The following RUFY4 variants were observed in gnomAD, a reference collection of about 807,000 sequenced individuals.
RUFY4 encodes the protein RUN and FYVE domain containing 4.
RUFY4 carries 73 observed loss-of-function variants against 69.0 expected under a neutral mutation model. That is an observed-to-expected ratio of 1.06 (90% CI 0.88 to 1.29). The LOEUF (loss-of-function observed/expected upper bound fraction) is 1.29. Among genes scored for constraint, RUFY4 ranks in the 50% most tolerant of loss-of-function variants. RUFY4 has a pLI of 0.00. For missense variants in RUFY4, 770 were observed against 705.6 expected, an observed-to-expected ratio of 1.09 and a Z score of -1.03; for synonymous variants, 287 against 271.8, an observed-to-expected ratio of 1.06 and a Z score of -0.55.
intron 3 of RUFY4, chr2:218,061,088 C>T (rs777642642): frequency 4.5e-5 from 26 of 580,920 alleles, no homozygotes; most frequent in Non-Finnish European, 6.7e-5. Context: ...AAAAATCCAG[C>T]CATTCATCTT....
At chr2:218,072,484 C>T (rs1479698321) in exon 3 of RUFY4, 1 of 1,537,000 alleles carries the variant, frequency 6.5e-7, no homozygotes, top group African/African-American at 1.4e-5. Flanking sequence ...TCCACTTTGT[C>T]CGTTCCCAGG....
chr2:218,074,087 G>A (rs1689563806), intron 6 of RUFY4: 1 of 620,314 alleles, frequency 1.6e-6, no homozygotes. Flanking sequence ...GGGTGGCGGG[G>A]ACACTGGGAG....
chr2:218,062,435 G>T (rs982222511), intron 3 of RUFY4, among the ~76,000 whole-genome samples: 2 of 148,582 alleles, frequency 1.3e-5, no homozygotes, highest in Non-Finnish European at 3.0e-5. Context: ...ATAAGTGGCC[G>T]GGCATGGTGG....
At chr2:218,071,005 C>A (rs1689472736) in intron 2 of RUFY4, 146 bp downstream of exon 4, 2 of 659,400 alleles carry the variant, frequency 3.0e-6, no homozygotes, top group Admixed American at 2.9e-5. Context: ...CCTAACCTCA[C>A]TCTTGGAGTT....
chr2:218,067,114 A>G (rs1454845706), upstream of RUFY4, among the ~76,000 whole-genome samples: 15 of 152,218 alleles, frequency 9.9e-5, no homozygotes, highest in Admixed American at 9.2e-4. Context: ...TTTATCACCC[A>G]TGTACAAGCC....
rs73993205 is a variant in RUFY4, at chr2:218,051,585, A to C, written c.-1157-7010A>C. 7.2e-3 allele frequency among the ~76,000 whole-genome samples: 1,083 copies of C among 151,330 alleles called. 5 individuals are homozygous for C. The highest frequency in any genetic ancestry group is 0.025 in the African/African-American group (1,044 of 41,380). ...CAATATTTTAAAAAAAAAAAAAAAAAAAACACAGAAAAGTGTAGGGCAGTA... is the reference window on the plus strand; with the variant it reads ...CAATATTTTAAAAAAAAAAAAAAAACAAACACAGAAAAGTGTAGGGCAGTA... On this transcript the variant is annotated intron_variant and NMD_transcript_variant, in intron 2 of 13. Transcript: ENST00000457754.
chr2:218,046,778 A>C (rs1426439720), intron 2 of RUFY4, among the ~76,000 whole-genome samples: 2 of 152,218 alleles, frequency 1.3e-5, no homozygotes, highest in Non-Finnish European at 2.9e-5. Context: ...GCAATTTAAC[A>C]CATCAAATAA....
chr2:218,064,088 G>T (rs1004973218), intron 3 of RUFY4, among the ~76,000 whole-genome samples: 2 of 152,078 alleles, frequency 1.3e-5, no homozygotes, highest in African/African-American at 4.8e-5. Flanking sequence ...GCTCCACCTG[G>T]CCACCAGATT....
chr2:218,064,485 C>T (rs578049635), upstream of RUFY4, among the ~76,000 whole-genome samples: 57 of 152,338 alleles, frequency 3.7e-4, no homozygotes, highest in Non-Finnish European at 5.9e-4. Flanking sequence ...CATCCTCCCT[C>T]GCTCCATCCC....
intron 2 of RUFY4, among the ~76,000 whole-genome samples, chr2:218,038,971 G>A (rs892767070): frequency 1.3e-5 from 2 of 152,048 alleles, no homozygotes; most frequent in Non-Finnish European, 2.9e-5. Context: ...CCACCACTAG[G>A]TGTAAAGAAG....
intron 2 of RUFY4, among the ~76,000 whole-genome samples, chr2:218,039,756 G>A (rs1399717487): frequency 5.3e-5 from 8 of 152,200 alleles, no homozygotes; most frequent in African/African-American, 1.7e-4. Flanking sequence ...TAACCATCCA[G>A]ACTCTGGGAG....
exon 7 of RUFY4, chr2:218,075,265 A>T: frequency 1.3e-6 from 2 of 1,586,546 alleles, no homozygotes; most frequent in Non-Finnish European, 1.7e-6. Flanking sequence ...AGTTCCAGGA[A>T]ACATAGGTAC....
At chr2:218,042,809 TC>T (rs1206506527) in intron 2 of RUFY4, among the ~76,000 whole-genome samples, 2 of 151,696 alleles carry the variant, frequency 1.3e-5, no homozygotes, top group African/African-American at 4.8e-5. Context: ...AGATAAAACT[TC>T]AAAAAAAAAT....
At chr2:218,061,035 T>C (rs774500217) in intron 3 of RUFY4, 2 of 696,710 alleles carry the variant, frequency 2.9e-6, no homozygotes, top group Middle Eastern at 2.5e-4. Flanking sequence ...ACCGTAGAAG[T>C]TGACTTCCTT....
At chr2:218,060,763 A>C (rs752982769) in intron 3 of RUFY4, 3 of 1,551,388 alleles carry the variant, frequency 1.9e-6, no homozygotes, top group East Asian at 4.5e-5. Context: ...GGCACGATGA[A>C]GCCAAAGGAC....
At position 218,045,126 on chromosome 2, in the gene RUFY4, A is replaced by G. The variant is rs1287828833; in HGVS notation, c.-1158+9732A>G. Among the ~76,000 whole-genome samples, 5 of 152,046 alleles carry G rather than the reference A, an allele frequency of 3.3e-5. No homozygotes were observed. The East Asian group carries it at 9.6e-4, about 29-fold the overall frequency. ...GCATCTGTTGTTTTTTGACTTTTTA[A>G]TAGTAGCCATTCTGACTGGTGCCAA... is the stretch of plus-strand genomic sequence containing the variant. On this transcript the variant is annotated intron_variant and NMD_transcript_variant, in intron 2 of 13. Transcript: ENST00000457754.
chr2:218,067,244 C>A (rs12472596), upstream of RUFY4, among the ~76,000 whole-genome samples: 42,982 of 151,974 alleles, frequency 0.28, 6,475 homozygotes, highest in East Asian at 0.38. Flanking sequence ...CCCCACCTCC[C>A]GGGCCCCTTG....
chr2:218,052,747 A>ATTT (rs1559423637), intron 2 of RUFY4, among the ~76,000 whole-genome samples: 33 of 136,598 alleles, frequency 2.4e-4, no homozygotes, highest in African/African-American at 9.9e-4. Flanking sequence ...TTTTTTTTTA[A>ATTT]AAAAAAAAGA....
upstream of RUFY4, among the ~76,000 whole-genome samples, chr2:218,068,171 T>TGGAGGACGGCAGGGGCC: frequency 1.5e-5 from 1 of 66,908 alleles, no homozygotes; most frequent in Non-Finnish European, 3.0e-5. Context: ...TGGCAGGGGG[T>TGGAGGACGGCAGGGGCC]TAGAGGAGGG....
Sources: gnomAD v4.1 joint callset for allele counts (sites outside exome capture counted in the v4.1 genomes callset) on GRCh38, gnomAD v4.1.1 for gene constraint, MANE v1.5 for transcripts, NCBI Gene and HGNC (gene_info 2026-07-23, HGNC 2026-07-21) for gene names.